Variants in CD2AP observed in about 807,000 individuals in gnomAD.
CD2AP encodes the protein CD2 associated protein.
Under a neutral mutation model 85.1 loss-of-function variants are expected in CD2AP, and 46 were observed. The ratio of observed to expected loss-of-function variants is 0.54; its 90% CI spans 0.43 to 0.69. The LOEUF is 0.69. Ranked by LOEUF, CD2AP falls within the 30% of genes least tolerant of loss-of-function variation. CD2AP has a pLI of 0.00. For missense variants in CD2AP, 769 were observed against 729.5 expected (o/e 1.05, Z -0.62); for synonymous variants, 255 against 252.9 (o/e 1.01, Z -0.08).
intron 2 of CD2AP, among the ~76,000 whole-genome samples, chr6:47,510,438 A>G (rs1467660343): frequency 1.3e-5 from 2 of 152,198 alleles, no homozygotes; most frequent in Non-Finnish European, 2.9e-5. Context: ...TAATGAAGAT[A>G]CAAGATAAGC....
At position 47,483,384 on chromosome 6, in the gene CD2AP, G is replaced by A. The variant is rs117252016; in HGVS notation, c.4+5136G>A. Among the ~76,000 whole-genome samples, 126 of 152,256 alleles carry A rather than the reference G, an allele frequency of 8.3e-4. 2 individuals are homozygous for A. The East Asian group carries it at 0.018, about 21-fold the overall frequency. On this transcript the variant is annotated intron_variant, in intron 1 of 17. Coordinates refer to ENST00000359314, the MANE Select transcript of CD2AP (RefSeq NM_012120.3). ...GGGAGTGGTATGGTGGCTGGTAGCA[G>A]GCACTAGGTAGAGATTCAGACTGGC... is the stretch of plus-strand genomic sequence containing the variant.
chr6:47,497,310 C>CCTTTT (rs1765883530), intron 1 of CD2AP, among the ~76,000 whole-genome samples: 1 of 125,104 alleles, frequency 8.0e-6, no homozygotes, highest in Non-Finnish European at 1.8e-5. Context: ...TTCCCTTTTT[C>CCTTTT]CTTTCCTTTC....
intron 13 of CD2AP, among the ~76,000 whole-genome samples, chr6:47,600,640 T>G (rs1052566006): frequency 2.0e-5 from 3 of 151,934 alleles, no homozygotes; most frequent in Non-Finnish European, 2.9e-5. Context: ...TCATTGAAAT[T>G]TATTCGGTAT....
intron 5 of CD2AP, chr6:47,562,820 C>A: frequency 1.7e-6 from 2 of 1,148,544 alleles, no homozygotes; most frequent in Non-Finnish European, 2.6e-6. Flanking sequence ...TTGGTGGAGG[C>A]CCTTGGTGCT....
intron 2 of CD2AP, among the ~76,000 whole-genome samples, chr6:47,532,137 T>C (rs1403182282): frequency 6.6e-6 from 1 of 152,000 alleles, no homozygotes; most frequent in Non-Finnish European, 1.5e-5. Flanking sequence ...TTTATAATCA[T>C]AAGAATTTAT....
chr6:47,542,709 G>A (rs982081601), intron 3 of CD2AP, among the ~76,000 whole-genome samples: 8 of 152,176 alleles, frequency 5.3e-5, no homozygotes, highest in African/African-American at 1.9e-4. Context: ...CTAGTCTCAG[G>A]TATTTTGTTA....
chr6:47,583,717 C>T (rs1229328768), intron 11 of CD2AP, among the ~76,000 whole-genome samples: 6 of 152,176 alleles, frequency 3.9e-5, no homozygotes, highest in Non-Finnish European at 7.3e-5. Flanking sequence ...ATAAGGGGAG[C>T]TGCTATAAAT....
chr6:47,540,966 CTA>C (rs1428825123), intron 3 of CD2AP, among the ~76,000 whole-genome samples: 1 of 152,016 alleles, frequency 6.6e-6, no homozygotes, highest in Non-Finnish European at 1.5e-5. Flanking sequence ...TTTAGGGACA[CTA>C]TATTTCAAGA....
intron 16 of CD2AP, among the ~76,000 whole-genome samples, chr6:47,610,971 A>ATATATATATATATATTTTTTTTTT: frequency 5.3e-5 from 6 of 112,872 alleles, no homozygotes; most frequent in African/African-American, 2.2e-4. Context: ...ATATATATGT[A>ATATATATATATATATTTTTTTTTT]TTTTTTTTTT....
chr6:47,594,352 C>A (rs1476872860), intron 11 of CD2AP, among the ~76,000 whole-genome samples: 1 of 151,810 alleles, frequency 6.6e-6, no homozygotes, highest in Admixed American at 6.6e-5. Flanking sequence ...TAAGTCAGTA[C>A]CTTATAGTTG....
Position 47,582,053 on chromosome 6 carries a change from C to T in CD2AP, c.1096C>T (p.Pro366Ser). The T allele has an allele frequency of 6.3e-7, 1 of 1,598,544 alleles. No individual in the cohort carries two copies. The highest frequency in any genetic ancestry group is 8.6e-7 in the Non-Finnish European group (1 of 1,166,068). The change falls in exon 11 of 18, where the codon CCT becomes TCT. Residue 366 changes from proline (P) to serine (S), a missense_variant. By Grantham distance (74) the Pro-to-Ser change is moderately conservative. Transcript: ENST00000359314. ...AAEKKYFSLKPEEKDEKSTLE... is the reference protein window; with the variant it reads ...AAEKKYFSLKSEEKDEKSTLE... ...AGAGAAGAAATATTTTTCTTTAAAG[C>T]CTGAAGAAAAGGGTGAGGCTAATTT...
chr6:47,479,960 GT>G (rs897313627), intron 1 of CD2AP, among the ~76,000 whole-genome samples: 10 of 151,986 alleles, frequency 6.6e-5, no homozygotes, highest in African/African-American at 2.2e-4. Flanking sequence ...TCAGTAGGCC[GT>G]TACTTAGTGT....
intron 12 of CD2AP, among the ~76,000 whole-genome samples, 157 bp downstream of exon 12, chr6:47,596,183 A>G (rs780369760): frequency 6.6e-6 from 1 of 152,138 alleles, no homozygotes; most frequent in Non-Finnish European, 1.5e-5. Context: ...TTTATTGTAT[A>G]CAACATGATG....
intron 4 of CD2AP, among the ~76,000 whole-genome samples, chr6:47,547,661 C>G (rs184264481): frequency 2.0e-5 from 3 of 152,066 alleles, no homozygotes; most frequent in African/African-American, 7.2e-5. Context: ...TAAACTATAC[C>G]CTGGAACAAA....
chr6:47,609,393 G>A lies in CD2AP; in HGVS notation c.1814+89G>A, dbSNP rs78312512. On this transcript the variant is annotated intron_variant, in intron 16 of 17. Transcript: ENST00000359314. Reference sequence around the variant, plus strand: ...ACCATATTAAGTAAAAATCTAATCTGTGGCTGGGTGTGGTAGTTCGCGCCT... The same window carrying A: ...ACCATATTAAGTAAAAATCTAATCTATGGCTGGGTGTGGTAGTTCGCGCCT... 8.7e-3 allele frequency: 9,257 copies of A among 1,067,948 alleles called. 102 individuals carry two copies. Among genetic ancestry groups the A allele is most frequent in the African/African-American group, 0.038 (2,460 of 64,126 alleles). The allele number at this position is 1,067,948 out of a possible 1,614,324, so 66.2% of individuals were successfully genotyped here. A position where few individuals can be genotyped will look rare whatever the true frequency, so the allele number is the denominator to read the frequency against.
chr6:47,539,628 T>C (rs769258633), intron 3 of CD2AP, among the ~76,000 whole-genome samples: 53 of 152,346 alleles, frequency 3.5e-4, no homozygotes, highest in Non-Finnish European at 6.3e-4. Context: ...CTTTGATGGA[T>C]TATTTAACTT....
At chr6:47,568,497 T>G (rs534252363) in intron 5 of CD2AP, among the ~76,000 whole-genome samples, 14 of 152,234 alleles carry the variant, frequency 9.2e-5, no homozygotes, top group African/African-American at 3.1e-4. Flanking sequence ...ATCCCAGCCC[T>G]TTGGGAGGCT....
intron 3 of CD2AP, among the ~76,000 whole-genome samples, chr6:47,535,371 C>T (rs915724432): frequency 2.6e-4 from 39 of 152,306 alleles, no homozygotes; most frequent in African/African-American, 9.1e-4. Context: ...ATTTTGTTTA[C>T]ATACATTTCC....
At chr6:47,535,765 C>T (rs1319398793) in intron 3 of CD2AP, among the ~76,000 whole-genome samples, 1 of 152,128 alleles carries the variant, frequency 6.6e-6, no homozygotes, top group East Asian at 1.9e-4. Flanking sequence ...AGCTGAACCT[C>T]TATATAGAAT....
Sources: allele counts gnomAD v4.1 joint callset (sites outside exome capture counted in the v4.1 genomes callset), GRCh38; gene constraint gnomAD v4.1.1; transcripts MANE v1.5; gene names NCBI Gene and HGNC (gene_info 2026-07-23, HGNC 2026-07-21).